The following NLGN1 variants were observed in gnomAD, a reference collection of about 807,000 sequenced individuals.
The protein encoded by NLGN1 is neuroligin 1.
NLGN1 carries 12 observed loss-of-function variants against 65.5 expected under a neutral mutation model. The observed-to-expected ratio is 0.18, with a 90% CI of 0.12 to 0.30. The LOEUF is 0.30. NLGN1 is among the 10% of genes least tolerant of loss of function. The pLI, the probability that NLGN1 is intolerant of heterozygous loss-of-function variation, is 1.00. For synonymous variants in NLGN1, 350 were observed against 359.5 expected (o/e 0.97, Z 0.30); for missense variants, 750 against 1,007.1 (o/e 0.74, Z 3.46).
At chr3:173,408,116 AG>A (rs1447172903) in intron 1 of NLGN1, among the ~76,000 whole-genome samples, 2 of 152,096 alleles carry the variant, frequency 1.3e-5, no homozygotes, top group Non-Finnish European at 2.9e-5. Flanking sequence ...CCCAGGCTGG[AG>A]TGCAGTGGCA....
Position 173,455,743 on chromosome 3 carries a change from T to A in NLGN1, c.-321+20665T>A, listed in dbSNP as rs187148027. Among the ~76,000 whole-genome samples the A allele has an allele frequency of 6.0e-3, 910 of 152,232 alleles. 15 individuals carry two copies. Among genetic ancestry groups the A allele is most frequent in the African/African-American group, 0.021 (884 of 41,548 alleles). On this transcript the variant is annotated intron_variant, in intron 2 of 6. Coordinates refer to ENST00000457714, the Ensembl canonical transcript of NLGN1. ...GTGTATATATATGTGTGTATATATA[T>A]GTATATATGTGTGTGTGTATATATA...
intron 3 of NLGN1, among the ~76,000 whole-genome samples, chr3:173,754,390 T>C (rs1776787874): frequency 6.6e-6 from 1 of 152,132 alleles, no homozygotes; most frequent in Admixed American, 6.6e-5. Flanking sequence ...CTTCTCTAAC[T>C]GTACTACATG....
chr3:173,632,795 G>T (rs1209686429), intron 3 of NLGN1, among the ~76,000 whole-genome samples: 2 of 145,068 alleles, frequency 1.4e-5, no homozygotes, highest in African/African-American at 5.0e-5. Flanking sequence ...TGGATTCATT[G>T]TATAAATAGA....
chr3:173,807,436 G>T (rs990707470), intron 3 of NLGN1, among the ~76,000 whole-genome samples: 5 of 152,084 alleles, frequency 3.3e-5, no homozygotes, highest in Non-Finnish European at 5.9e-5. Context: ...ATTTTAATTT[G>T]TCTAAGTTTT....
At chr3:173,611,371 G>A (rs1474357114) in intron 3 of NLGN1, among the ~76,000 whole-genome samples, 2 of 151,888 alleles carry the variant, frequency 1.3e-5, no homozygotes, top group African/African-American at 2.4e-5. Context: ...TCCTTTGAAA[G>A]AGTTATTTTA....
intron 2 of NLGN1, among the ~76,000 whole-genome samples, chr3:173,511,734 T>C (rs1428736385): frequency 6.6e-6 from 1 of 152,184 alleles, no homozygotes; most frequent in Non-Finnish European, 1.5e-5. Context: ...TCAGAGATTT[T>C]TTTCCTCAGC....
At chr3:174,278,811 CACA>C (rs762888217) in intron 5 of NLGN1, 47 bp from the exon 6 acceptor site, 7 of 1,344,980 alleles carry the variant, frequency 5.2e-6, no homozygotes, top group Middle Eastern at 1.9e-4. Context: ...ATTGTTTTAC[CACA>C]ACATTACCCA....
intron 3 of NLGN1, among the ~76,000 whole-genome samples, chr3:173,651,893 A>G: frequency 6.6e-6 from 1 of 152,082 alleles, no homozygotes; most frequent in East Asian, 1.9e-4. Flanking sequence ...CCTGGGTTCA[A>G]GCGATTCTCC....
intron 3 of NLGN1, among the ~76,000 whole-genome samples, chr3:173,697,604 C>A (rs192730645): frequency 6.6e-6 from 1 of 151,886 alleles, no homozygotes; most frequent in African/African-American, 2.4e-5. Flanking sequence ...CTCAGCTCAC[C>A]GCAACCTCTG....
chr3:173,484,795 A>G (rs747330671), intron 2 of NLGN1, among the ~76,000 whole-genome samples: 9 of 152,142 alleles, frequency 5.9e-5, no homozygotes, highest in Non-Finnish European at 1.3e-4. Flanking sequence ...GTTCATTTAT[A>G]TGACTCAAAG....
intron 3 of NLGN1, among the ~76,000 whole-genome samples, chr3:173,696,383 A>G (rs770301311): frequency 8.5e-5 from 13 of 152,134 alleles, no homozygotes; most frequent in Non-Finnish European, 1.8e-4. Flanking sequence ...TTAGATCCCT[A>G]GTTTTATGTT....
intron 4 of NLGN1, among the ~76,000 whole-genome samples, chr3:173,878,338 C>A (rs151045386): frequency 4.5e-4 from 69 of 152,122 alleles, no homozygotes; most frequent in African/African-American, 1.5e-3. Flanking sequence ...CTGCGCCAAG[C>A]CAAAATGCAT....
chr3:174,256,264 T>C (rs1402697111), intron 4 of NLGN1, among the ~76,000 whole-genome samples: 5 of 152,228 alleles, frequency 3.3e-5, no homozygotes, highest in Admixed American at 6.5e-5. Flanking sequence ...AGTGACAACT[T>C]GTCAAGAGCG....
intron 4 of NLGN1, among the ~76,000 whole-genome samples, chr3:174,218,174 A>G (rs532288324): frequency 2.6e-5 from 4 of 152,046 alleles, no homozygotes; most frequent in African/African-American, 4.8e-5. Context: ...TGGTAATAGA[A>G]TCTGCCACCA....
At chr3:174,240,546 G>A (rs181950587) in intron 4 of NLGN1, among the ~76,000 whole-genome samples, 37 of 152,164 alleles carry the variant, frequency 2.4e-4, no homozygotes, top group Admixed American at 4.6e-4. Flanking sequence ...AAAAAAGTCC[G>A]TAAGAAAAAA....
chr3:173,980,466 A>T (rs1718530104), intron 4 of NLGN1, among the ~76,000 whole-genome samples: 1 of 152,092 alleles, frequency 6.6e-6, no homozygotes, highest in South Asian at 2.1e-4. Context: ...ATGATAATAT[A>T]CATGGCCATT....
At chr3:173,406,201 A>G (rs1314690299) in intron 1 of NLGN1, among the ~76,000 whole-genome samples, 1 of 152,064 alleles carries the variant, frequency 6.6e-6, no homozygotes, top group Non-Finnish European at 1.5e-5. Flanking sequence ...GATGAGAAAG[A>G]TTACTAAATA....
intron 2 of NLGN1, among the ~76,000 whole-genome samples, chr3:173,499,233 A>G (rs147821797): frequency 0.017 from 2,652 of 151,882 alleles, 36 homozygotes; most frequent in Non-Finnish European, 0.027. Flanking sequence ...ATTTTTGTAT[A>G]AGGTATAAGG....
At chr3:173,430,411 G>A (rs1053901608) in intron 1 of NLGN1, among the ~76,000 whole-genome samples, 16 of 152,206 alleles carry the variant, frequency 1.1e-4, no homozygotes, top group Admixed American at 5.2e-4. Context: ...TAGACCTGTC[G>A]TTTTATAGTC....
Sources: gnomAD v4.1 joint callset for allele counts (sites outside exome capture counted in the v4.1 genomes callset) on GRCh38, gnomAD v4.1.1 for gene constraint, MANE v1.5 for transcripts, NCBI Gene and HGNC (gene_info 2026-07-23, HGNC 2026-07-21) for gene names.